Variants in CCSER1 observed in about 807,000 individuals in gnomAD.
The protein encoded by CCSER1 is serine-rich coiled-coil domain-containing protein 1.
In CCSER1, 41 loss-of-function variants were observed where a neutral mutation model predicts 82.0. That is an observed-to-expected ratio of 0.50 (90% CI 0.39 to 0.65). The LOEUF (loss-of-function observed/expected upper bound fraction) is 0.65, where lower values mean the gene tolerates loss of function less well. CCSER1 is among the 30% of genes least tolerant of loss of function. CCSER1 has a pLI of 0.00. For synonymous variants in CCSER1, 414 were observed against 383.9 expected (o/e 1.08, Z -0.92); for missense variants, 1,119 against 1,064.2 (o/e 1.05, Z -0.72).
intron 10 of CCSER1, among the ~76,000 whole-genome samples, chr4:91,437,460 A>G (rs1754734360): frequency 6.6e-6 from 1 of 152,132 alleles, no homozygotes; most frequent in Non-Finnish European, 1.5e-5. Context: ...GAGCCTCACG[A>G]TCTCAGAATG....
intron 1 of CCSER1, among the ~76,000 whole-genome samples, chr4:90,212,982 T>C (rs1490426416): frequency 6.6e-6 from 1 of 152,024 alleles, no homozygotes; most frequent in Non-Finnish European, 1.5e-5. Flanking sequence ...AGGCCTAACA[T>C]GTGTATGGGG....
chr4:90,181,203 G>A (rs1733671799), intron 1 of CCSER1, among the ~76,000 whole-genome samples: 1 of 151,962 alleles, frequency 6.6e-6, no homozygotes, highest in Non-Finnish European at 1.5e-5. Flanking sequence ...TGTACCCCCT[G>A]CAACTAAAAT....
At chr4:90,657,375 T>C (rs558578426) in intron 6 of CCSER1, among the ~76,000 whole-genome samples, 1 of 152,288 alleles carries the variant, frequency 6.6e-6, no homozygotes, top group African/African-American at 2.4e-5. Flanking sequence ...GAGCTACCTT[T>C]ACATAGAATT....
At chr4:90,709,649 G>T (rs962694325) in intron 6 of CCSER1, among the ~76,000 whole-genome samples, 1 of 152,220 alleles carries the variant, frequency 6.6e-6, no homozygotes, top group African/African-American at 2.4e-5. Flanking sequence ...ATATTATGGT[G>T]TATATGTATC....
intron 10 of CCSER1, among the ~76,000 whole-genome samples, chr4:91,285,027 T>A (rs1743176725): frequency 6.6e-6 from 1 of 152,044 alleles, no homozygotes; most frequent in Non-Finnish European, 1.5e-5. Context: ...CAGACAGAAC[T>A]GCTAATGTGA....
chr4:90,481,174 C>T (rs984136953), intron 5 of CCSER1, among the ~76,000 whole-genome samples: 1 of 152,030 alleles, frequency 6.6e-6, no homozygotes, highest in Non-Finnish European at 1.5e-5. Flanking sequence ...ATTTGGCTCT[C>T]TGTTATTGGT....
Position 91,385,629 on chromosome 4 carries a change from G to A in CCSER1, c.2218-212943G>A, listed in dbSNP as rs190341987. Among the ~76,000 whole-genome samples, 521 of 151,718 alleles carry A rather than the reference G, an allele frequency of 3.4e-3. 1 individual carries two copies. Among genetic ancestry groups the A allele is most frequent in the African/African-American group, 0.012 (487 of 41,308 alleles). On this transcript the variant is annotated intron_variant, in intron 10 of 10. Transcript: ENST00000509176. ...TGAATAGCATTAGTAAACTGAAAGG[G>A]GACATAGAAAAAGGAAAAAAAAAAG...
In CCSER1 at chr4:90,955,701, T is replaced by C. The variant is rs573462484; in HGVS notation, c.2172+32254T>C. Among the ~76,000 whole-genome samples, 38 of 152,276 alleles carry C rather than the reference T, an allele frequency of 2.5e-4. No homozygotes were observed. The South Asian group carries it at 7.7e-3, about 31-fold the overall frequency. On this transcript the variant is annotated intron_variant, in intron 9 of 10. Coordinates refer to ENST00000509176, the MANE Select transcript of CCSER1 (RefSeq NM_001145065.2). Reference sequence around the variant, plus strand: ...TTTCCAGCTTCAAAAGATGGTCTTATTCTTCTTGCCCTCCTGCACATGCCT... The same window carrying C: ...TTTCCAGCTTCAAAAGATGGTCTTACTCTTCTTGCCCTCCTGCACATGCCT...
chr4:90,129,314 C>T (rs1237191074), intron 1 of CCSER1, among the ~76,000 whole-genome samples: 4 of 152,158 alleles, frequency 2.6e-5, no homozygotes, highest in African/African-American at 7.2e-5. Context: ...GTAATCTAGG[C>T]TATAATATAA....
At chr4:90,922,196 T>A (rs1444313280) in intron 8 of CCSER1, among the ~76,000 whole-genome samples, 2 of 152,178 alleles carry the variant, frequency 1.3e-5, no homozygotes, top group East Asian at 3.9e-4. Context: ...AACTAAATTA[T>A]ATTTACCTAA....
intron 6 of CCSER1, among the ~76,000 whole-genome samples, chr4:90,645,438 A>T (rs796182143): frequency 5.3e-5 from 8 of 152,302 alleles, no homozygotes; most frequent in African/African-American, 1.9e-4. Context: ...CTTCTTCTAA[A>T]CAATTTCCTT....
intron 10 of CCSER1, among the ~76,000 whole-genome samples, chr4:91,111,964 A>G (rs979144248): frequency 4.6e-5 from 7 of 151,940 alleles, no homozygotes; most frequent in Non-Finnish European, 4.4e-5. Context: ...TGGAAGGGCT[A>G]CTCTTAAAGC....
At chr4:91,522,664 GCTCT>G (rs1560735994) in intron 10 of CCSER1, among the ~76,000 whole-genome samples, 3 of 152,120 alleles carry the variant, frequency 2.0e-5, no homozygotes, top group African/African-American at 7.2e-5. Flanking sequence ...TCATGATTTG[GCTCT>G]CTGTTTGTCT....
chr4:91,102,887 T>G (rs944114325), intron 10 of CCSER1, among the ~76,000 whole-genome samples: 2 of 152,210 alleles, frequency 1.3e-5, no homozygotes, highest in Non-Finnish European at 2.9e-5. Context: ...TAATTACAAA[T>G]AGAAGCTAAT....
chr4:91,543,360 A>T (rs1761709192), intron 10 of CCSER1, among the ~76,000 whole-genome samples: 1 of 152,102 alleles, frequency 6.6e-6, no homozygotes, highest in Non-Finnish European at 1.5e-5. Context: ...TTAGCTGGTT[A>T]TTTTGCTTGT....
chr4:90,321,834 G>C (rs1190849212), intron 3 of CCSER1, among the ~76,000 whole-genome samples: 1 of 151,962 alleles, frequency 6.6e-6, no homozygotes, highest in East Asian at 1.9e-4. Flanking sequence ...TTTTAAATTG[G>C]ATTATTTAGT....
At chr4:91,288,107 G>GATAT (rs374919599) in intron 10 of CCSER1, among the ~76,000 whole-genome samples, 3 of 62,524 alleles carry the variant, frequency 4.8e-5, no homozygotes, top group African/African-American at 1.4e-4. Context: ...ATATATATAG[G>GATAT]ATATATATAT....
intron 4 of CCSER1, among the ~76,000 whole-genome samples, chr4:90,464,004 A>C (rs1763305650): frequency 6.6e-6 from 1 of 152,222 alleles, no homozygotes. Flanking sequence ...GGAGAAAAGG[A>C]GTAATTTAAA....
At chr4:90,608,920 A>G (rs925951284) in intron 5 of CCSER1, among the ~76,000 whole-genome samples, 3 of 152,078 alleles carry the variant, frequency 2.0e-5, no homozygotes, top group African/African-American at 7.2e-5. Flanking sequence ...TTATTTCTCT[A>G]TACATAAATC....
Sources: allele counts gnomAD v4.1 joint callset (sites outside exome capture counted in the v4.1 genomes callset), GRCh38; gene constraint gnomAD v4.1.1; transcripts MANE v1.5; gene names NCBI Gene and HGNC (gene_info 2026-07-23, HGNC 2026-07-21).